The following TDRD5 variants were observed in gnomAD, a reference collection of about 807,000 sequenced individuals.
TDRD5 encodes the protein tudor domain containing 5.
In TDRD5, 41 loss-of-function variants were observed where a neutral mutation model predicts 120.6. That is an observed-to-expected ratio of 0.34 (90% CI 0.26 to 0.44). The LOEUF (loss-of-function observed/expected upper bound fraction) is 0.44. Ranked by LOEUF, TDRD5 falls within the 20% of genes least tolerant of loss-of-function variation. The pLI, the probability that TDRD5 is intolerant of heterozygous loss-of-function variation, is 1.00. For synonymous variants in TDRD5, 430 were observed against 433.7 expected (o/e 0.99, Z 0.11); for missense variants, 1,006 against 1,221.2 (o/e 0.82, Z 2.63).
chr1:179,605,283 C>G (rs1675912531), intron 4 of TDRD5, among the ~76,000 whole-genome samples: 1 of 152,104 alleles, frequency 6.6e-6, no homozygotes, highest in Admixed American at 6.6e-5. Flanking sequence ...AGGTGAGTCT[C>G]CTGAAGGCAG....
intron 4 of TDRD5, among the ~76,000 whole-genome samples, chr1:179,597,325 TTTTTTTC>T (rs1457445734): frequency 5.8e-5 from 8 of 137,278 alleles, no homozygotes; most frequent in Non-Finnish European, 1.1e-4. Context: ...CTTTCTTTTC[TTTTTTTC>T]TTTTTTTTTT....
chr1:179,633,651 G>A (rs1176192577), intron 7 of TDRD5, among the ~76,000 whole-genome samples: 1 of 151,770 alleles, frequency 6.6e-6, no homozygotes, highest in Non-Finnish European at 1.5e-5. Flanking sequence ...AACCCAGCCT[G>A]GAGTCTGTTT....
At chr1:179,596,902 A>G (rs1675424272) in intron 4 of TDRD5, among the ~76,000 whole-genome samples, 1 of 152,204 alleles carries the variant, frequency 6.6e-6, no homozygotes. Flanking sequence ...TGGCTGTATG[A>G]CTTTCCTTTC....
chr1:179,653,546 T>C (rs1035295960), intron 13 of TDRD5, among the ~76,000 whole-genome samples: 13 of 152,202 alleles, frequency 8.5e-5, no homozygotes, highest in Non-Finnish European at 1.5e-4. Flanking sequence ...ATTACTGGAC[T>C]AGGAGAATTC....
At chr1:179,648,799 A>G (rs1366281441) in intron 11 of TDRD5, among the ~76,000 whole-genome samples, 2 of 152,016 alleles carry the variant, frequency 1.3e-5, no homozygotes, top group African/African-American at 2.4e-5. Flanking sequence ...AAAAAAAATA[A>G]TGTCAATTTA....
chr1:179,596,421 C>T (rs992789337), intron 4 of TDRD5, among the ~76,000 whole-genome samples: 2 of 152,056 alleles, frequency 1.3e-5, no homozygotes, highest in Non-Finnish European at 2.9e-5. Context: ...ATACAATCAC[C>T]ATCAAAATAA....
At chr1:179,617,445 A>AT (rs1052998184) in intron 4 of TDRD5, among the ~76,000 whole-genome samples, 9 of 152,058 alleles carry the variant, frequency 5.9e-5, no homozygotes, top group Admixed American at 1.3e-4. Flanking sequence ...GATTATCTTC[A>AT]TTTTTCAGGT....
At chr1:179,677,155 G>A (rs921981646) in intron 17 of TDRD5, among the ~76,000 whole-genome samples, 2 of 151,962 alleles carry the variant, frequency 1.3e-5, no homozygotes, top group Non-Finnish European at 2.9e-5. Flanking sequence ...AGCCTTTCCA[G>A]TGCATTTTGC....
chr1:179,593,949 T>TG (rs1422138028), intron 3 of TDRD5, 82 bp downstream of exon 3: 1 of 1,504,376 alleles, frequency 6.6e-7, no homozygotes, highest in East Asian at 2.3e-5. Flanking sequence ...TCGTTAGAGT[T>TG]GAAGCCTGGC....
chr1:179,617,533 C>T (rs1185718002), intron 4 of TDRD5, among the ~76,000 whole-genome samples: 1 of 151,722 alleles, frequency 6.6e-6, no homozygotes, highest in South Asian at 2.1e-4. Flanking sequence ...CCAAAAGAAA[C>T]AGTTTAGAAG....
At chr1:179,637,890 T>G (rs146314201) in intron 9 of TDRD5, among the ~76,000 whole-genome samples, 2 of 152,114 alleles carry the variant, frequency 1.3e-5, no homozygotes, top group Non-Finnish European at 2.9e-5. Flanking sequence ...CTGGGCAAGG[T>G]TGAGGAAAGC....
intron 4 of TDRD5, among the ~76,000 whole-genome samples, chr1:179,612,205 G>GA (rs996251404): frequency 2.0e-5 from 3 of 151,816 alleles, no homozygotes; most frequent in Non-Finnish European, 4.4e-5. Flanking sequence ...TTAAAATGAA[G>GA]AAAAAAAAGT....
rs182676969 is a variant in TDRD5, at chr1:179,634,103, G to A, written c.1127-354G>A. Reference sequence around the variant, plus strand: ...GGAGAATGGTGTGAACCCAGGAGGCGGAACTTGCAGTGAGCCGAGATCGCA... The same window carrying A: ...GGAGAATGGTGTGAACCCAGGAGGCAGAACTTGCAGTGAGCCGAGATCGCA... On this transcript the variant is annotated intron_variant, in intron 7 of 17. Transcript: ENST00000444136. Among the ~76,000 whole-genome samples the A allele has an allele frequency of 2.8e-3, 422 of 151,390 alleles. 2 individuals are homozygous for A. Among genetic ancestry groups the A allele is most frequent in the African/African-American group, 9.7e-3 (399 of 41,304 alleles).
chr1:179,591,705 C>T (rs1675111287), upstream of TDRD5: 1 of 152,340 alleles, frequency 6.6e-6, no homozygotes, highest in South Asian at 2.1e-4. Flanking sequence ...GCTCCTGAGA[C>T]TGGGGCGGAC....
intron 16 of TDRD5, among the ~76,000 whole-genome samples, chr1:179,667,490 A>C (rs1299827543): frequency 6.6e-6 from 1 of 152,198 alleles, no homozygotes; most frequent in Non-Finnish European, 1.5e-5. Flanking sequence ...AGTTTAAACA[A>C]GTTACCTTTT....
At chr1:179,669,151 C>A in intron 16 of TDRD5, 43 bp from the exon 17 acceptor site, 2 of 1,555,244 alleles carry the variant, frequency 1.3e-6, no homozygotes, top group Non-Finnish European at 1.8e-6. Flanking sequence ...TATTCTTATA[C>A]TAACACTTTT....
intron 12 of TDRD5, among the ~76,000 whole-genome samples, chr1:179,651,777 A>G (rs1365182376): frequency 6.6e-6 from 1 of 151,480 alleles, no homozygotes; most frequent in Non-Finnish European, 1.5e-5. Flanking sequence ...GTCAGGCGTG[A>G]TGGCACGTGC....
At chr1:179,669,498 A>T in intron 17 of TDRD5, 94 bp downstream of exon 17, 2 of 1,349,330 alleles carry the variant, frequency 1.5e-6, no homozygotes, top group Non-Finnish European at 2.1e-6. Context: ...CTTGCAAAAT[A>T]TACCTTGAAA....
chr1:179,687,314 C>T (rs1026120351), intron 17 of TDRD5, among the ~76,000 whole-genome samples: 4 of 152,192 alleles, frequency 2.6e-5, no homozygotes, highest in Non-Finnish European at 4.4e-5. Context: ...AGTAGTCATT[C>T]AGGAGCAAGT....
Sources: gnomAD v4.1 joint callset for allele counts (sites outside exome capture counted in the v4.1 genomes callset) on GRCh38, gnomAD v4.1.1 for gene constraint, MANE v1.5 for transcripts, NCBI Gene and HGNC (gene_info 2026-07-23, HGNC 2026-07-21) for gene names.